PEX5L: variants seen among roughly 807,000 people sequenced by gnomAD.
The protein encoded by PEX5L is PEX5-related protein.
Under a neutral mutation model 84.0 loss-of-function variants are expected in PEX5L, and 30 were observed. The observed-to-expected ratio is 0.36, with a 90% confidence interval of 0.27 to 0.48. The LOEUF (loss-of-function observed/expected upper bound fraction) is 0.48. PEX5L is among the 20% of genes least tolerant of loss of function. The pLI is 0.99. For synonymous variants in PEX5L, 270 were observed against 283.1 expected, an observed-to-expected ratio of 0.95 and a Z score of 0.46; for missense variants, 533 against 754.6, an observed-to-expected ratio of 0.71 and a Z score of 3.44.
Position 179,795,870 on chromosome 3 carries a change from A to G in PEX5L, c.*5958T>C, listed in dbSNP as rs1366850387. On this transcript the variant is annotated 3_prime_UTR_variant, in exon 15 of 15. Transcript: ENST00000467460. ...CAGTTTGTAAAAAGTTTAATAAATT[A>G]ATCAGTTTTTTTTCAACCAATGTAA... 1 of 152,156 alleles carries G rather than the reference A, an allele frequency of 6.6e-6. No individual in the cohort carries two copies. Among genetic ancestry groups the G allele is most frequent in the Non-Finnish European group, 1.5e-5 (1 of 68,042 alleles). 9.4% of individuals were successfully genotyped at this position (152,156 alleles called of 1,614,324 possible).
chr3:180,028,945 T>G (rs1465682037), intron 1 of PEX5L, among the ~76,000 whole-genome samples: 1 of 152,218 alleles, frequency 6.6e-6, no homozygotes, highest in Non-Finnish European at 1.5e-5. Flanking sequence ...AACAATTTAA[T>G]ATAAAGAAGC....
chr3:179,965,900 T>A (rs189849133), intron 2 of PEX5L, among the ~76,000 whole-genome samples: 68 of 152,340 alleles, frequency 4.5e-4, no homozygotes, highest in Non-Finnish European at 1.9e-4. Flanking sequence ...TTCACTCTAG[T>A]AACTTTTCTA....
chr3:179,953,736 A>C (rs1246889282), intron 2 of PEX5L, among the ~76,000 whole-genome samples: 1 of 152,166 alleles, frequency 6.6e-6, no homozygotes, highest in Non-Finnish European at 1.5e-5. Flanking sequence ...ATGGAAATGG[A>C]GTAGTGATGT....
At chr3:179,940,475 G>A (rs1331202989) in intron 2 of PEX5L, among the ~76,000 whole-genome samples, 3 of 152,044 alleles carry the variant, frequency 2.0e-5, no homozygotes, top group African/African-American at 4.8e-5. Context: ...GAAGTGCTAC[G>A]GGATCCCCTT....
At chr3:179,928,188 A>G in intron 2 of PEX5L, among the ~76,000 whole-genome samples, 1 of 152,226 alleles carries the variant, frequency 6.6e-6, no homozygotes, top group East Asian at 1.9e-4. Context: ...ACCAGTTTGC[A>G]CGCTTACAGG....
chr3:179,897,683 C>T (rs1480250185), intron 3 of PEX5L, among the ~76,000 whole-genome samples: 3 of 152,134 alleles, frequency 2.0e-5, no homozygotes, highest in South Asian at 4.1e-4. Context: ...ATGTAGTATG[C>T]ATAGTCACAA....
At chr3:179,873,624 G>A (rs1751125708) in intron 7 of PEX5L, among the ~76,000 whole-genome samples, 1 of 152,168 alleles carries the variant, frequency 6.6e-6, no homozygotes, top group Non-Finnish European at 1.5e-5. Context: ...TAAGGTTCAA[G>A]TAATGGACAG....
At chr3:179,878,203 G>T (rs751279242) in intron 5 of PEX5L, among the ~76,000 whole-genome samples, 6 of 152,086 alleles carry the variant, frequency 3.9e-5, no homozygotes, top group Non-Finnish European at 7.4e-5. Context: ...ATGGAGCTTG[G>T]CATGTTCTAC....
rs58515903 is a variant in PEX5L at position 179,831,318 on chromosome 3, T to TAA, written c.823-11344_823-11343dup. On this transcript the variant is annotated intron_variant, in intron 8 of 14. Transcript: ENST00000467460. ...CTGGGTGACAGGGCGAGACTCTGTC[T>TAA]AAAAAAAAAAAAAAAAACCTACAAG... Among the ~76,000 whole-genome samples, 1,002 of 119,562 alleles carry TAA rather than the reference T, an allele frequency of 8.4e-3. 13 individuals carry two copies. The highest frequency in any genetic ancestry group is 0.029 in the African/African-American group (951 of 33,112). The allele number at this position is 119,562 out of a possible 152,430, so 78.4% of individuals were successfully genotyped here.
At position 179,801,787 on chromosome 3, in the gene PEX5L, C is replaced by G. The variant is rs1187696761; in HGVS notation, c.*41G>C. 1.6e-6 allele frequency: 2 copies of G among 1,219,652 alleles called. No homozygotes were observed. Among genetic ancestry groups the G allele is most frequent in the Admixed American group, 3.4e-5 (2 of 59,088 alleles). The allele number at this position is 1,219,652 out of a possible 1,614,324, so 75.6% of individuals were successfully genotyped here. On this transcript the variant is annotated 3_prime_UTR_variant, in exon 15 of 15. Transcript: ENST00000467460. The stretch of plus-strand genomic sequence containing the variant: ...ATAGTTTTTGATTTTTCAGTACAAT[C>G]ACACAGATCAGGGATTATTAGTACT...
intron 8 of PEX5L, among the ~76,000 whole-genome samples, chr3:179,834,630 T>C (rs1289482651): frequency 6.6e-6 from 1 of 152,068 alleles, no homozygotes; most frequent in East Asian, 1.9e-4. Context: ...GCTCCTAGCT[T>C]GGGGAGTGGG....
At chr3:179,997,385 C>T (rs1787983364) in intron 1 of PEX5L, among the ~76,000 whole-genome samples, 1 of 152,090 alleles carries the variant, frequency 6.6e-6, no homozygotes, top group Non-Finnish European at 1.5e-5. Flanking sequence ...GTGGTCATTT[C>T]CCTAGTGCCA....
intron 1 of PEX5L, among the ~76,000 whole-genome samples, chr3:180,000,161 T>C (rs916729940): frequency 3.3e-4 from 50 of 152,268 alleles, no homozygotes; most frequent in South Asian, 4.1e-4. Context: ...GAGGGAGGAA[T>C]GCTGCCACCA....
At chr3:179,982,951 T>C (rs1375587112) in intron 1 of PEX5L, among the ~76,000 whole-genome samples, 5 of 152,068 alleles carry the variant, frequency 3.3e-5, no homozygotes, top group African/African-American at 4.8e-5. Flanking sequence ...ATCTTAATCA[T>C]GTATACAAGT....
intron 5 of PEX5L, among the ~76,000 whole-genome samples, chr3:179,877,706 C>T (rs1752864028): frequency 1.3e-5 from 2 of 152,188 alleles, no homozygotes; most frequent in African/African-American, 2.4e-5. Context: ...ACTCCTCCTG[C>T]CTCAGCCTTC....
At chr3:179,844,552 G>C (rs1449569630) in intron 8 of PEX5L, among the ~76,000 whole-genome samples, 2 of 152,228 alleles carry the variant, frequency 1.3e-5, no homozygotes, top group Non-Finnish European at 2.9e-5. Context: ...CTTTCAGCTG[G>C]GCGCGGTGGC....
intron 1 of PEX5L, among the ~76,000 whole-genome samples, chr3:179,979,570 GGTT>G (rs1286634216): frequency 1.3e-5 from 2 of 152,146 alleles, no homozygotes; most frequent in Non-Finnish European, 2.9e-5. Context: ...GGACTGGAAT[GGTT>G]GTTGGTGGAA....
chr3:179,974,037 T>A lies in PEX5L; in HGVS notation c.22-2372A>T, dbSNP rs191638263. ...TTACTGCTTATTTCTAGTGCGAGCA[T>A]AATCCTCTTTCAAGCACTCAGCTTC... On this transcript the variant is annotated intron_variant, in intron 1 of 14. Coordinates refer to ENST00000467460, the MANE Select transcript of PEX5L (RefSeq NM_016559.3). 4 of 985,470 alleles carry A rather than the reference T, an allele frequency of 4.1e-6. No homozygotes were observed. The East Asian group carries it at 3.4e-4, about 84-fold the overall frequency. The allele number at this position is 985,470 out of a possible 1,614,324, so 61.0% of individuals were successfully genotyped here.
intron 2 of PEX5L, among the ~76,000 whole-genome samples, chr3:179,948,150 C>T (rs1287163262): frequency 6.6e-6 from 1 of 152,146 alleles, no homozygotes; most frequent in Admixed American, 6.6e-5. Flanking sequence ...TTTGACTTTC[C>T]ATAATTATAA....
Sources: allele counts gnomAD v4.1 joint callset (sites outside exome capture counted in the v4.1 genomes callset), GRCh38; gene constraint gnomAD v4.1.1; transcripts MANE v1.5; gene names NCBI Gene and HGNC (gene_info 2026-07-23, HGNC 2026-07-21).